Variants in SUMO2 observed in about 807,000 individuals in gnomAD.
SUMO2 encodes small ubiquitin like modifier 2, also known as small ubiquitin-related modifier 2.
Under a neutral mutation model 16.0 loss-of-function variants are expected in SUMO2, and 1 was observed. The ratio of observed to expected loss-of-function variants is 0.06; its 90% CI spans 0.02 to 0.30. The LOEUF is 0.30. Among genes scored for constraint, SUMO2 ranks in the 10% least tolerant of loss-of-function variants. SUMO2 has a pLI of 1.00. For synonymous variants in SUMO2, 36 were observed against 40.6 expected, an observed-to-expected ratio of 0.89 and a Z score of 0.43; for missense variants, 16 against 117.5, an observed-to-expected ratio of 0.14 and a Z score of 3.99.
At chr17:75,170,356 G>A (rs891454449) in intron 3 of SUMO2, among the ~76,000 whole-genome samples, 2 of 152,074 alleles carry the variant, frequency 1.3e-5, no homozygotes, top group Non-Finnish European at 2.9e-5. Flanking sequence ...CGGATCACCA[G>A]GTCAACAGGT....
In SUMO2 at chr17:75,166,025, G is replaced by GAA. The variant is rs34973549; in HGVS notation, c.*2312_*2313dup. 30 of 149,542 alleles carry GAA rather than the reference G, an allele frequency of 2.0e-4. No individual in the cohort carries two copies. The highest frequency in any genetic ancestry group is 3.4e-3 in the Middle Eastern group (1 of 296). The allele number at this position is 149,542 out of a possible 1,614,324, so 9.3% of individuals were successfully genotyped here. On this transcript the variant is annotated 3_prime_UTR_variant, in exon 4 of 4. Transcript: ENST00000420826. Reference sequence around the variant, plus strand: ...TGGGCGACAGAGCAAGACTCCGTCTGAAAAAAAAACAAAAACAAAAACAAA... The same window carrying GAA: ...TGGGCGACAGAGCAAGACTCCGTCTGAAAAAAAAAAACAAAAACAAAAACAAA...
At chr17:75,179,865 T>G (rs979987109) in intron 2 of SUMO2, among the ~76,000 whole-genome samples, 1 of 152,102 alleles carries the variant, frequency 6.6e-6, no homozygotes, top group African/African-American at 2.4e-5. Context: ...TTTGCCATGG[T>G]GGCCAGGCTG....
At chr17:75,170,569 AAAAAAC>A (rs920146303) in intron 3 of SUMO2, among the ~76,000 whole-genome samples, 24 of 150,404 alleles carry the variant, frequency 1.6e-4, no homozygotes, top group Non-Finnish European at 2.7e-4. Flanking sequence ...ACTCTGTCTC[AAAAAAC>A]AAAAACAAAA....
intron 3 of SUMO2, among the ~76,000 whole-genome samples, chr17:75,169,938 T>C (rs984901558): frequency 8.0e-5 from 12 of 150,022 alleles, no homozygotes; most frequent in Non-Finnish European, 1.8e-4. Flanking sequence ...GCAGATCACC[T>C]GAGGTCGGGA....
intron 2 of SUMO2, among the ~76,000 whole-genome samples, chr17:75,178,871 C>T (rs1417787347): frequency 6.6e-6 from 1 of 151,944 alleles, no homozygotes; most frequent in Admixed American, 6.6e-5. Flanking sequence ...AGAAGAATCG[C>T]TTAAAACTGG....
chr17:75,177,435 T>A (rs1408841573), intron 2 of SUMO2, among the ~76,000 whole-genome samples: 1 of 151,910 alleles, frequency 6.6e-6, no homozygotes, highest in African/African-American at 2.4e-5. Context: ...TCCCAACATT[T>A]TGGAAGGCCA....
chr17:75,174,872 C>G (rs771248076), intron 2 of SUMO2, 49 bp from the exon 3 acceptor site: 1 of 1,523,682 alleles, frequency 6.6e-7, no homozygotes, highest in Non-Finnish European at 9.0e-7. Flanking sequence ...AAACAGAATT[C>G]TATTTACATA....
chr17:75,170,030 G>A (rs1389891155), intron 3 of SUMO2, among the ~76,000 whole-genome samples: 9 of 151,598 alleles, frequency 5.9e-5, no homozygotes, highest in South Asian at 2.1e-4. Flanking sequence ...TTAGCTGGGC[G>A]TGGTGGCGCA....
Position 75,168,160 on chromosome 17 carries a change from G to A in SUMO2, c.*179C>T. On this transcript the variant is annotated 3_prime_UTR_variant, in exon 4 of 4. Coordinates refer to ENST00000420826, the MANE Select transcript of SUMO2 (RefSeq NM_006937.4). ...AAAAAAAAAAATGCAATATGCTTGT[G>A]CACATATACCAGTTACTTTATGTAC... is the stretch of plus-strand genomic sequence containing the variant. The A allele has an allele frequency of 2.1e-6, 1 of 480,056 alleles. No individual in the cohort carries two copies. Among genetic ancestry groups the A allele is most frequent in the Non-Finnish European group, 3.6e-6 (1 of 280,396 alleles). The allele number at this position is 480,056 out of a possible 1,614,324, so 29.7% of individuals were successfully genotyped here.
chr17:75,177,252 AG>A (rs2074790014), intron 2 of SUMO2, among the ~76,000 whole-genome samples: 1 of 152,078 alleles, frequency 6.6e-6, no homozygotes, highest in Non-Finnish European at 1.5e-5. Context: ...CTGTAATCCC[AG>A]TTATTCAAGA....
chr17:75,171,156 T>G (rs1443073909), intron 3 of SUMO2, among the ~76,000 whole-genome samples: 1 of 150,762 alleles, frequency 6.6e-6, no homozygotes, highest in Non-Finnish European at 1.5e-5. Context: ...TGCGATGGAG[T>G]TTCGCTGTTG....
chr17:75,174,245 C>T (rs1022757023), intron 3 of SUMO2, among the ~76,000 whole-genome samples: 1 of 152,002 alleles, frequency 6.6e-6, no homozygotes, highest in South Asian at 2.1e-4. Flanking sequence ...CAAAAATTAG[C>T]CAGGCATGGT....
At chr17:75,179,395 G>A (rs2074808899) in intron 2 of SUMO2, among the ~76,000 whole-genome samples, 1 of 151,970 alleles carries the variant, frequency 6.6e-6, no homozygotes, top group South Asian at 2.1e-4. Flanking sequence ...GGGCGTGGTG[G>A]CGTGCGCCCG....
At chr17:75,176,877 T>C (rs1035052707) in intron 2 of SUMO2, among the ~76,000 whole-genome samples, 1 of 151,918 alleles carries the variant, frequency 6.6e-6, no homozygotes, top group Non-Finnish European at 1.5e-5. Flanking sequence ...AAACAGTATA[T>C]AACCATCATC....
intron 2 of SUMO2, among the ~76,000 whole-genome samples, chr17:75,175,354 T>C (rs1054631997): frequency 1.3e-5 from 2 of 151,840 alleles, no homozygotes; most frequent in African/African-American, 2.4e-5. Context: ...AGAGTCTTGC[T>C]CTGTCACTCA....
intron 3 of SUMO2, among the ~76,000 whole-genome samples, chr17:75,168,614 GT>G (rs371365057): frequency 8.2e-5 from 12 of 146,494 alleles, no homozygotes; most frequent in South Asian, 2.2e-4. Context: ...AAACTTTTTT[GT>G]TTTTTTTTTG....
chr17:75,175,944 C>A (rs1278511052), intron 2 of SUMO2, among the ~76,000 whole-genome samples: 1 of 152,062 alleles, frequency 6.6e-6, no homozygotes, highest in African/African-American at 2.4e-5. Context: ...GTAAGTCATT[C>A]TTTTAGAAAG....
chr17:75,172,323 G>A (rs2074746189), intron 3 of SUMO2, among the ~76,000 whole-genome samples: 1 of 25,686 alleles, frequency 3.9e-5, no homozygotes, highest in Non-Finnish European at 8.0e-5. Context: ...ACTGTACCCA[G>A]ACTTTTTTTT....
intron 2 of SUMO2, among the ~76,000 whole-genome samples, chr17:75,175,523 T>C (rs1384155720): frequency 6.6e-6 from 1 of 151,896 alleles, no homozygotes; most frequent in African/African-American, 2.4e-5. Flanking sequence ...TTTCGCCATG[T>C]TGGCCAGGCT....
Sources: allele counts gnomAD v4.1 joint callset (sites outside exome capture counted in the v4.1 genomes callset), GRCh38; gene constraint gnomAD v4.1.1; transcripts MANE v1.5; gene names NCBI Gene and HGNC (gene_info 2026-07-23, HGNC 2026-07-21).